Variants in KCTD16 observed in about 807,000 individuals in gnomAD.
KCTD16 encodes BTB/POZ domain-containing protein KCTD16.
A neutral mutation model predicts 33.2 loss-of-function variants in KCTD16; 13 were observed. That is an observed-to-expected ratio of 0.39 (90% CI 0.25 to 0.62). The LOEUF is 0.62. Among genes scored for constraint, KCTD16 ranks in the 20% least tolerant of loss-of-function variants. The pLI, the probability that KCTD16 is intolerant of heterozygous loss-of-function variation, is 0.50. For synonymous variants in KCTD16, 197 were observed against 195.3 expected (o/e 1.01, Z -0.07); for missense variants, 441 against 525.1 (o/e 0.84, Z 1.57).
intron 3 of KCTD16, among the ~76,000 whole-genome samples, chr5:144,319,816 T>C (rs897394939): frequency 6.6e-6 from 1 of 152,178 alleles, no homozygotes; most frequent in Non-Finnish European, 1.5e-5. Context: ...AAGACATGAA[T>C]GCCAAAGGTG....
intron 3 of KCTD16, among the ~76,000 whole-genome samples, chr5:144,425,589 C>T (rs72800601): frequency 0.043 from 6,489 of 152,140 alleles, 182 homozygotes; most frequent in Non-Finnish European, 0.065. Flanking sequence ...CATACCTCCA[C>T]TACTCTTGCA....
chr5:144,449,968 A>C (rs190195537), intron 3 of KCTD16, among the ~76,000 whole-genome samples: 1 of 152,128 alleles, frequency 6.6e-6, no homozygotes, highest in Admixed American at 6.6e-5. Flanking sequence ...AAACTAAAAA[A>C]CTTCTGCATG....
intron 3 of KCTD16, among the ~76,000 whole-genome samples, chr5:144,443,094 G>A (rs929065271): frequency 4.6e-5 from 7 of 152,060 alleles, no homozygotes; most frequent in Admixed American, 1.3e-4. Context: ...TTCTGCAACC[G>A]GTGTCTGGGG....
chr5:144,448,020 A>G (rs1321913797), intron 3 of KCTD16, among the ~76,000 whole-genome samples: 6 of 151,478 alleles, frequency 4.0e-5, no homozygotes, highest in Non-Finnish European at 8.8e-5. Flanking sequence ...GGCCTTTACA[A>G]TCTGATCTGG....
intron 3 of KCTD16, among the ~76,000 whole-genome samples, chr5:144,357,682 T>G (rs1023139111): frequency 2.0e-5 from 3 of 152,190 alleles, no homozygotes; most frequent in Admixed American, 6.5e-5. Flanking sequence ...ATATTTGAGC[T>G]GAACCTCAAA....
intron 3 of KCTD16, among the ~76,000 whole-genome samples, chr5:144,416,423 A>T (rs73296040): frequency 0.053 from 8,119 of 152,142 alleles, 748 homozygotes; most frequent in African/African-American, 0.19. Flanking sequence ...TCATTCTGAG[A>T]GTTTCTGAAG....
chr5:144,291,065 T>C (rs142197965), intron 3 of KCTD16, among the ~76,000 whole-genome samples: 4 of 152,296 alleles, frequency 2.6e-5, no homozygotes, highest in Admixed American at 1.3e-4. Flanking sequence ...AGACTTTGTA[T>C]AAAAGTGTTG....
intron 3 of KCTD16, among the ~76,000 whole-genome samples, chr5:144,456,646 G>T (rs1419872731): frequency 6.6e-6 from 1 of 152,080 alleles, no homozygotes; most frequent in African/African-American, 2.4e-5. Context: ...ATGATTCAAT[G>T]ACTTCATTTA....
intron 3 of KCTD16, among the ~76,000 whole-genome samples, chr5:144,417,759 G>GT (rs1432175721): frequency 7.2e-5 from 11 of 151,730 alleles, no homozygotes; most frequent in East Asian, 1.9e-4. Flanking sequence ...ATCCTTTTGA[G>GT]TTTTTTTTGG....
intron 3 of KCTD16, among the ~76,000 whole-genome samples, chr5:144,252,283 GA>G (rs1379160143): frequency 6.6e-6 from 1 of 152,098 alleles, no homozygotes; most frequent in East Asian, 1.9e-4. Context: ...CATTTATTTG[GA>G]TGAGTATAAA....
intron 3 of KCTD16, among the ~76,000 whole-genome samples, chr5:144,456,522 C>T (rs367909024): frequency 1.3e-5 from 2 of 152,096 alleles, no homozygotes; most frequent in South Asian, 2.1e-4. Context: ...CTAAACTAAA[C>T]TCATTAGGGC....
chr5:144,294,596 A>G (rs1475710286), intron 3 of KCTD16, among the ~76,000 whole-genome samples: 1 of 152,196 alleles, frequency 6.6e-6, no homozygotes, highest in African/African-American at 2.4e-5. Flanking sequence ...ATTGTGTTAA[A>G]TATGCTTGTT....
At chr5:144,299,092 CTATGTATA>C (rs1561558317) in intron 3 of KCTD16, among the ~76,000 whole-genome samples, 1 of 13,328 alleles carries the variant, frequency 7.5e-5, no homozygotes, top group Non-Finnish European at 1.2e-4. Flanking sequence ...ATATATATCA[CTATGTATA>C]TATATATATA....
At chr5:144,327,615 CAG>C (rs753905747) in intron 3 of KCTD16, among the ~76,000 whole-genome samples, 1 of 151,984 alleles carries the variant, frequency 6.6e-6, no homozygotes, top group African/African-American at 2.4e-5. Flanking sequence ...TTCCATAAAA[CAG>C]AAATTTTGCA....
chr5:144,250,864 G>T (rs1026108487), intron 3 of KCTD16, among the ~76,000 whole-genome samples: 1 of 152,114 alleles, frequency 6.6e-6, no homozygotes, highest in Non-Finnish European at 1.5e-5. Flanking sequence ...TTGCATTCAT[G>T]ATATATTTAT....
intron 3 of KCTD16, among the ~76,000 whole-genome samples, chr5:144,315,996 T>A (rs1183421100): frequency 6.6e-6 from 1 of 152,086 alleles, no homozygotes; most frequent in Non-Finnish European, 1.5e-5. Flanking sequence ...AAGCCTTTTT[T>A]TTTTTTTTAA....
intron 3 of KCTD16, among the ~76,000 whole-genome samples, chr5:144,460,329 A>G (rs1204089400): frequency 1.3e-5 from 2 of 152,078 alleles, no homozygotes; most frequent in East Asian, 1.9e-4. Flanking sequence ...CAAAATGTCA[A>G]TTTCCCTGGC....
intron 3 of KCTD16, among the ~76,000 whole-genome samples, chr5:144,407,550 T>G (rs1349228827): frequency 1.3e-5 from 2 of 152,200 alleles, no homozygotes; most frequent in Non-Finnish European, 2.9e-5. Context: ...TATTTTACTT[T>G]TAAGTTCTGG....
At chr5:144,286,921 G>A (rs55887142) in intron 3 of KCTD16, among the ~76,000 whole-genome samples, 35,608 of 152,078 alleles carry the variant, frequency 0.23, 4,400 homozygotes, top group Non-Finnish European at 0.28. Flanking sequence ...CACTTACTAT[G>A]TACCAGGTAT....
Sources: allele counts gnomAD v4.1 joint callset (sites outside exome capture counted in the v4.1 genomes callset), GRCh38; gene constraint gnomAD v4.1.1; transcripts MANE v1.5; gene names NCBI Gene and HGNC (gene_info 2026-07-23, HGNC 2026-07-21).